Variants in THOP1 observed in about 807,000 individuals in gnomAD.
THOP1 encodes thimet oligopeptidase 1.
Under a neutral mutation model 71.8 loss-of-function variants are expected in THOP1, and 49 were observed. The observed-to-expected ratio is 0.68, with a 90% CI of 0.54 to 0.87. THOP1 has a LOEUF of 0.87. THOP1 is among the 40% of genes least tolerant of loss of function. The pLI, the probability that THOP1 is intolerant of heterozygous loss-of-function variation, is 0.00. For synonymous variants in THOP1, 426 were observed against 421.5 expected, an observed-to-expected ratio of 1.01 and a Z score of -0.13; for missense variants, 843 against 975.6, an observed-to-expected ratio of 0.86 and a Z score of 1.81.
In THOP1 at chr19:2,810,386, G is replaced by C; in HGVS notation, c.1538G>C (p.Trp513Ser). ...APSQMLENWVWEQEPLLRMSR... is the reference protein window; with the variant it reads ...APSQMLENWVSEQEPLLRMSR... ...TCGCAGATGCTGGAGAACTGGGTGT[G>C]GGAGCAGGAGCCGCTGCTGCGGATG... Residue 513 changes from tryptophan (W) to serine (S), a missense_variant, in exon 10 of 13, where the codon TGG (tryptophan) becomes TCG (serine). Trp to Ser is a radical substitution (Grantham distance 177). Transcript: ENST00000307741. 6.2e-7 allele frequency: 1 copy of C among 1,610,830 alleles called. No homozygotes were observed. The highest frequency in any genetic ancestry group is 8.5e-7 in the Non-Finnish European group (1 of 1,179,634).
chr19:2,803,440 T>G (rs1040567571), intron 5 of THOP1, among the ~76,000 whole-genome samples: 2 of 152,196 alleles, frequency 1.3e-5, no homozygotes, highest in African/African-American at 4.8e-5. Flanking sequence ...TCGTGAACTA[T>G]CCATTGCAGC....
At position 2,810,441 on chromosome 19, in the gene THOP1, G is replaced by T. The variant is rs1916431105; in HGVS notation, c.1593G>T (p.Val531=). The T allele has an allele frequency of 6.3e-7, 1 of 1,590,020 alleles. No individual in the cohort carries two copies. The highest frequency in any genetic ancestry group is 8.5e-7 in the Non-Finnish European group (1 of 1,170,858). The part of the protein sequence containing the change: ...MSRHYRTGSA[V]PRELLEKLIE... ...GGCACTACCGCACAGGCAGCGCCGT[G>T]CCCCGGGAGCTCCTGGAGAAGCTCA... is the stretch of plus-strand genomic sequence containing the variant. The change falls in exon 10 of 13, where the codon GTG becomes GTT. Residue 531 remains valine, a synonymous_variant. Transcript: ENST00000307741.
At chr19:2,802,603 G>A (rs984182821) in intron 5 of THOP1, among the ~76,000 whole-genome samples, 8 of 150,786 alleles carry the variant, frequency 5.3e-5, no homozygotes, top group Non-Finnish European at 8.9e-5. Context: ...CCCGATACCC[G>A]CATCTCCCGA....
At chr19:2,786,520 G>T (rs1375365272) in intron 1 of THOP1, among the ~76,000 whole-genome samples, 1 of 152,042 alleles carries the variant, frequency 6.6e-6, no homozygotes, top group Non-Finnish European at 1.5e-5. Context: ...TTACAGACAT[G>T]AGCCACTGTA....
At chr19:2,806,810 G>A (rs1401147810) in intron 6 of THOP1, 107 bp from the exon 7 acceptor site, 1 of 1,575,942 alleles carries the variant, frequency 6.3e-7, no homozygotes, top group Non-Finnish European at 8.6e-7. Flanking sequence ...GGGACCGGAG[G>A]TCAGACGGAG....
chr19:2,813,304 GC>G lies in THOP1; in HGVS notation c.*30del, dbSNP rs1330543465. 1 of 1,583,258 alleles carries G rather than the reference GC, an allele frequency of 6.3e-7. No homozygotes were observed. The highest frequency in any genetic ancestry group is 8.6e-7 in the Non-Finnish European group (1 of 1,165,210). On this transcript the variant is annotated 3_prime_UTR_variant, in exon 13 of 13. Coordinates refer to ENST00000307741, the MANE Select transcript of THOP1 (RefSeq NM_003249.5). ...CCTGGCACTGCGACTGCCCAGTCTG[GC>G]CTGCGCTCCCGCCGCCCTGGTGCCT...
At chr19:2,790,230 G>A (rs1190113018) in intron 1 of THOP1, among the ~76,000 whole-genome samples, 191 bp from the exon 2 acceptor site, 1 of 152,196 alleles carries the variant, frequency 6.6e-6, no homozygotes, top group South Asian at 2.1e-4. Context: ...AGGGTTCCCT[G>A]GATGGGATTG....
chr19:2,799,637 G>C, intron 4 of THOP1, 52 bp from the exon 5 acceptor site: 1 of 1,487,568 alleles, frequency 6.7e-7, no homozygotes, highest in Non-Finnish European at 9.3e-7. Flanking sequence ...GCGTCTCCCC[G>C]CGGAGCCCGC....
chr19:2,787,437 A>C lies in THOP1; in HGVS notation c.16+1759A>C, dbSNP rs528349313. 3.5e-5 allele frequency among the ~76,000 whole-genome samples: 5 copies of C among 144,504 alleles called. No homozygotes were observed. The South Asian group carries it at 1.1e-3, about 31-fold the overall frequency. 94.8% of individuals were successfully genotyped at this position (144,504 alleles called of 152,430 possible). On this transcript the variant is annotated intron_variant, in intron 1 of 12. Transcript: ENST00000307741. ...TTTACAGGATGAACTGACGTCCACA[A>C]GTTTTTCAAATCCTAACTCCTGCAG...
Position 2,790,519 on chromosome 19 carries a change from G to A in THOP1, c.115G>A (p.Glu39Lys). 1 of 1,608,132 alleles carries A rather than the reference G, an allele frequency of 6.2e-7. No homozygotes were observed. Among genetic ancestry groups the A allele is most frequent in the Non-Finnish European group, 8.5e-7 (1 of 1,177,448 alleles). ...CCAGCAGATAGAGGAGCGCACCAGG[G>A]AGCTCATCGAGCAGACCAAGCGCGT... ...SAQQIEERTR[E>K]LIEQTKRVYD... The change falls in exon 2 of 13, where the codon GAG becomes AAG. Residue 39 changes from glutamate to lysine, a missense_variant. Glu to Lys is a moderately conservative substitution (Grantham distance 56). Transcript: ENST00000307741.
rs1471380777 is a variant in THOP1, at chr19:2,810,624, C to G, written c.1643-16C>G. The G allele has an allele frequency of 6.5e-7, 1 of 1,547,934 alleles. No individual in the cohort carries two copies. The highest frequency in any genetic ancestry group is 8.7e-7 in the Non-Finnish European group (1 of 1,146,094). Reference sequence around the variant, plus strand: ...GGCAGGTGCAGAGGCCAGCTCTCTCCTTCCCTCCCGCCCAGGCCTCTTCAA... The same window carrying G: ...GGCAGGTGCAGAGGCCAGCTCTCTCGTTCCCTCCCGCCCAGGCCTCTTCAA... On this transcript the variant is annotated splice_polypyrimidine_tract_variant and intron_variant, in intron 10 of 12. Coordinates refer to ENST00000307741, the MANE Select transcript of THOP1 (RefSeq NM_003249.5).
chr19:2,792,568 G>A (rs759068), intron 2 of THOP1, among the ~76,000 whole-genome samples: 63,901 of 151,788 alleles, frequency 0.42, 15,077 homozygotes, highest in East Asian at 0.64. Flanking sequence ...TGAGGTAGTG[G>A]CCAGACTGCA....
At chr19:2,806,654 C>T (rs1395556999) in intron 6 of THOP1, 11 of 519,762 alleles carry the variant, frequency 2.1e-5, no homozygotes, top group African/African-American at 4.0e-5. Flanking sequence ...GGAGGCTCCT[C>T]GGACAGCCCC....
rs1327669611 is a variant in THOP1, at chr19:2,814,451, G to A, written c.*1175G>A. On this transcript the variant is annotated 3_prime_UTR_variant, in exon 13 of 13. Transcript: ENST00000307741. ...TGTGACCCTGCTTCCCGAGGCCTATGGGTGGCCAGACATCCGCCTCGTCCT... is the reference window on the plus strand; with the variant it reads ...TGTGACCCTGCTTCCCGAGGCCTATAGGTGGCCAGACATCCGCCTCGTCCT... 2.0e-5 allele frequency: 3 copies of A among 152,318 alleles called. No individual in the cohort carries two copies. The highest frequency in any genetic ancestry group is 7.2e-5 in the African/African-American group (3 of 41,454). The allele number at this position is 152,318 out of a possible 1,614,324, so 9.4% of individuals were successfully genotyped here. A position where few individuals can be genotyped will look rare whatever the true frequency, so the allele number is the denominator to read the frequency against.
chr19:2,811,592 C>A lies in THOP1; in HGVS notation c.1772-6C>A. On this transcript the variant is annotated splice_polypyrimidine_tract_variant and splice_region_variant and intron_variant, in intron 11 of 12. Coordinates refer to ENST00000307741, the MANE Select transcript of THOP1 (RefSeq NM_003249.5). ...CAGCGTGAACCCTGCCATGTGTCCG[C>A]CCCAGGAACCAACATGCCTGCAACC... 3 of 1,611,800 alleles carry A rather than the reference C, an allele frequency of 1.9e-6. No individual in the cohort carries two copies. In the South Asian group the frequency reaches 3.3e-5, roughly 18 times the overall value.
intron 1 of THOP1, among the ~76,000 whole-genome samples, chr19:2,788,986 C>A (rs1209681699): frequency 6.6e-6 from 1 of 152,210 alleles, no homozygotes; most frequent in Non-Finnish European, 1.5e-5. Context: ...GTCTCGAACT[C>A]CTGACCTCAA....
Position 2,806,915 on chromosome 19 carries a change from A to G in THOP1, c.751-2A>G, listed in dbSNP as rs1452131362. 9 of 1,612,904 alleles carry G rather than the reference A, an allele frequency of 5.6e-6. No homozygotes were observed. The highest frequency in any genetic ancestry group is 6.8e-6 in the Non-Finnish European group (8 of 1,179,724). The stretch of plus-strand genomic sequence containing the variant: ...GTGACAGTGTGGTGGTGTCGGTTGC[A>G]GGAGAACTGCGCTATCCTCAAGGAG... On this transcript the variant is annotated splice_acceptor_variant, in intron 6 of 12. Coordinates refer to ENST00000307741, the MANE Select transcript of THOP1 (RefSeq NM_003249.5). LOFTEE classifies it high-confidence loss of function.
At chr19:2,802,747 C>T (rs974701651) in intron 5 of THOP1, among the ~76,000 whole-genome samples, 1 of 152,248 alleles carries the variant, frequency 6.6e-6, no homozygotes, top group Non-Finnish European at 1.5e-5. Flanking sequence ...ACTTCTGCCG[C>T]CCTCACCCTC....
rs750453865 is a variant in THOP1 at position 2,805,221 on chromosome 19, C to T, written c.750+45C>T. 1 of 1,577,922 alleles carries T rather than the reference C, an allele frequency of 6.3e-7. No individual in the cohort carries two copies. The highest frequency in any genetic ancestry group is 2.3e-5 in the East Asian group (1 of 44,384). The stretch of plus-strand genomic sequence containing the variant: ...GGGCCCCAGAACAGTGGGTCTGGAG[C>T]TTGTGGGGCCCGTCTGCTCCATGTG... On this transcript the variant is annotated intron_variant, in intron 6 of 12. Coordinates refer to ENST00000307741, the MANE Select transcript of THOP1 (RefSeq NM_003249.5). The surrounding 1 kb of genome is among the most constrained non-coding windows in gnomAD (Gnocchi z 6.6).
Sources: allele counts gnomAD v4.1 joint callset (sites outside exome capture counted in the v4.1 genomes callset), GRCh38; gene constraint gnomAD v4.1.1; non-coding constraint Gnocchi (gnomAD v3.1); transcripts MANE v1.5; gene names NCBI Gene and HGNC (gene_info 2026-07-23, HGNC 2026-07-21).